The following FIGNL2 variants were observed in gnomAD, a reference collection of about 807,000 sequenced individuals.
The protein encoded by FIGNL2 is fidgetin-like protein 2.
For synonymous variants in FIGNL2, 565 were observed against 484.0 expected (o/e 1.17, Z -2.20); for missense variants, 1,060 against 950.2 (o/e 1.12, Z -1.52).
chr12:51,820,086 T>G lies in FIGNL2; in HGVS notation c.*366A>C. 4 of 255,314 alleles carry G rather than the reference T, an allele frequency of 1.6e-5. No individual in the cohort carries two copies. The highest frequency in any genetic ancestry group is 2.3e-5 in the Non-Finnish European group (3 of 133,124). The allele number at this position is 255,314 out of a possible 1,614,324, so 15.8% of individuals were successfully genotyped here. A position where few individuals can be genotyped will look rare whatever the true frequency, so the allele number is the denominator to read the frequency against. The stretch of plus-strand genomic sequence containing the variant: ...AATGCAGAGAATGGGATGGAGAGAG[T>G]GAGGGAGAAGGAGGGTGCCATTCAG... On this transcript the variant is annotated 3_prime_UTR_variant, in exon 2 of 2. Coordinates refer to ENST00000618634, the MANE Select transcript of FIGNL2 (RefSeq NM_001384995.1).
intron 1 of FIGNL2, among the ~76,000 whole-genome samples, chr12:51,846,287 G>A (rs559873971): frequency 2.2e-4 from 33 of 152,238 alleles, no homozygotes; most frequent in Non-Finnish European, 4.1e-4. Flanking sequence ...AGAAGCTCGG[G>A]GCTGGGGAGG....
chr12:51,845,634 T>C, intron 1 of FIGNL2: 1 of 985,280 alleles, frequency 1.0e-6, no homozygotes, highest in Non-Finnish European at 1.2e-6. Context: ...AACCGCCAAG[T>C]CCAGGAGAGG....
At chr12:51,830,490 GT>G (rs756161863) in intron 1 of FIGNL2, among the ~76,000 whole-genome samples, 1 of 129,040 alleles carries the variant, frequency 7.7e-6, no homozygotes, top group Non-Finnish European at 1.7e-5. Context: ...AAAATATTGA[GT>G]TGTTTTTTTT....
intron 1 of FIGNL2, among the ~76,000 whole-genome samples, chr12:51,832,489 T>A (rs769365239): frequency 6.6e-6 from 1 of 152,068 alleles, no homozygotes; most frequent in Non-Finnish European, 1.5e-5. Flanking sequence ...ACCACACAGC[T>A]GAATCTGATG....
chr12:51,845,723 G>C, intron 1 of FIGNL2: 1 of 965,308 alleles, frequency 1.0e-6, no homozygotes, highest in Non-Finnish European at 1.2e-6. Flanking sequence ...CGACGGCAGG[G>C]GGAGGGGAAG....
intron 1 of FIGNL2, among the ~76,000 whole-genome samples, chr12:51,827,888 G>A (rs1411819199): frequency 3.9e-5 from 6 of 152,106 alleles, no homozygotes; most frequent in African/African-American, 1.4e-4. Flanking sequence ...CATCCCCATC[G>A]CCTCCCCAGA....
At chr12:51,836,291 GCACTCTGTCA>G in intron 1 of FIGNL2, among the ~76,000 whole-genome samples, 1 of 152,258 alleles carries the variant, frequency 6.6e-6, no homozygotes, top group South Asian at 2.1e-4. Context: ...GTAGGACAGG[GCACTCTGTCA>G]TCTGGCCTTT....
intron 1 of FIGNL2, chr12:51,828,428 C>T (rs901354921): frequency 6.6e-6 from 1 of 152,198 alleles, no homozygotes; most frequent in Non-Finnish European, 1.5e-5. Context: ...GCTGGAACCC[C>T]GCTTGACTCT....
chr12:51,834,101 A>ATGGT (rs61273867), intron 1 of FIGNL2, among the ~76,000 whole-genome samples: 25,375 of 110,494 alleles, frequency 0.23, 3,689 homozygotes, highest in East Asian at 0.38. Flanking sequence ...GGATGGGTGG[A>ATGGT]TGGATGGTTG....
chr12:51,835,088 A>C (rs1306176069), intron 1 of FIGNL2, among the ~76,000 whole-genome samples: 2 of 152,182 alleles, frequency 1.3e-5, no homozygotes, highest in Non-Finnish European at 2.9e-5. Context: ...TTTCAAGCTC[A>C]AAATAAGCAG....
rs1939224317 is a variant in FIGNL2 at position 51,822,046 on chromosome 12, C to T, written c.368G>A (p.Gly123Asp). The change falls in exon 2 of 2, where the codon GGC becomes GAC. Residue 123 changes from glycine (G) to aspartate (D), a missense_variant. By Grantham distance (94) the Gly-to-Asp change is moderately conservative. Coordinates refer to ENST00000618634, the MANE Select transcript of FIGNL2 (RefSeq NM_001384995.1). Reference sequence around the variant, plus strand: ...GCCCCCCAGGGCCCCGGAACCGCCGCCACCGCCCGATTTGGTTCCTGGGAG... The same window carrying T: ...GCCCCCCAGGGCCCCGGAACCGCCGTCACCGCCCGATTTGGTTCCTGGGAG... ...EGLPGTKSGG[G>D]GGSGALGGSP... The T allele has an allele frequency of 1.2e-6, 2 of 1,608,550 alleles. No homozygotes were observed. The highest frequency in any genetic ancestry group is 1.3e-5 in the African/African-American group (1 of 74,832).
At position 51,820,535 on chromosome 12, in the gene FIGNL2, G is replaced by A; in HGVS notation, c.1879C>T (p.Leu627=). The change falls in exon 2 of 2, where the codon CTG becomes TTG. Residue 627 remains leucine (L), a synonymous_variant. Transcript: ENST00000618634. ...GAGGCCCTAGGGCCCACCTTGGCCA[G>A]CGCCGCCTCCAGGTCCTTGTAGGAG... ...PLSYKDLEAA[L]AKVGPRASAK... The A allele has an allele frequency of 1.3e-6, 2 of 1,554,444 alleles. No individual in the cohort carries two copies. Among genetic ancestry groups the A allele is most frequent in the Non-Finnish European group, 1.7e-6 (2 of 1,157,600 alleles).
At position 51,822,189 on chromosome 12, in the gene FIGNL2, G is replaced by T; in HGVS notation, c.225C>A (p.Tyr75Ter). Reference sequence around the variant, plus strand: ...TGTACCCGCCCAGGGCCGGACGCTCGTAGGGAGAATCCAAGACCCCAGAGT... The same window carrying T: ...TGTACCCGCCCAGGGCCGGACGCTCTTAGGGAGAATCCAAGACCCCAGAGT... The part of the protein sequence containing the change: ...EKYSGVLDSP[Y>*]ERPALGGYSD... Residue 75 changes from tyrosine to a stop codon, truncating the protein, a stop_gained, in exon 2 of 2, where the codon TAC becomes TAA. Transcript: ENST00000618634. LOFTEE classifies it low-confidence loss of function (END_TRUNC). 6.2e-7 allele frequency: 1 copy of T among 1,611,636 alleles called. No homozygotes were observed. The highest frequency in any genetic ancestry group is 8.5e-7 in the Non-Finnish European group (1 of 1,179,000).
At chr12:51,842,562 G>C (rs543012121) in intron 1 of FIGNL2, among the ~76,000 whole-genome samples, 3 of 152,222 alleles carry the variant, frequency 2.0e-5, no homozygotes, top group Admixed American at 1.3e-4. Context: ...AGATTCTTAA[G>C]CATCCAAGGG....
chr12:51,822,504 G>A lies in FIGNL2; in HGVS notation c.-11-80C>T, dbSNP rs1013543898. 2.3e-5 allele frequency: 35 copies of A among 1,527,560 alleles called. No homozygotes were observed. The African/African-American group carries it at 3.7e-4, about 16-fold the overall frequency. The allele number at this position is 1,527,560 out of a possible 1,614,324, so 94.6% of individuals were successfully genotyped here. On this transcript the variant is annotated intron_variant, in intron 1 of 1. Transcript: ENST00000618634. ...GCCACTGCTAGCCATAGGCCAGTCCGCCTAGACTGCGGCTTGGACAGGCTG... is the reference window on the plus strand; with the variant it reads ...GCCACTGCTAGCCATAGGCCAGTCCACCTAGACTGCGGCTTGGACAGGCTG...
At chr12:51,847,504 C>T (rs1259851921) in intron 1 of FIGNL2, 1 of 985,346 alleles carries the variant, frequency 1.0e-6, no homozygotes, top group African/African-American at 1.7e-5. Flanking sequence ...GAGACAGGGC[C>T]GGCAGCCTGA....
intron 1 of FIGNL2, among the ~76,000 whole-genome samples, chr12:51,846,782 G>A (rs1327001129): frequency 6.6e-6 from 1 of 152,186 alleles, no homozygotes; most frequent in Non-Finnish European, 1.5e-5. Flanking sequence ...GGCCTCCCCA[G>A]GAGCAACTCC....
At chr12:51,848,444 C>A in intron 1 of FIGNL2, 96 bp downstream of exon 1, 1 of 981,618 alleles carries the variant, frequency 1.0e-6, no homozygotes, top group Non-Finnish European at 1.2e-6. Context: ...GCCCTCTCGG[C>A]CCTCTCCGGC....
chr12:51,831,025 A>G (rs1376469236), intron 1 of FIGNL2, among the ~76,000 whole-genome samples: 1 of 151,616 alleles, frequency 6.6e-6, no homozygotes, highest in African/African-American at 2.4e-5. Context: ...GTTGGCCTCA[A>G]ACTCCGGGGC....
Sources: gnomAD v4.1 joint callset for allele counts (sites outside exome capture counted in the v4.1 genomes callset) on GRCh38, gnomAD v4.1.1 for gene constraint, MANE v1.5 for transcripts, NCBI Gene and HGNC (gene_info 2026-07-23, HGNC 2026-07-21) for gene names.